UFD1: variants seen among roughly 807,000 people sequenced by gnomAD.
The protein encoded by UFD1 is ubiquitin recognition factor in ER associated degradation 1, also known as ubiquitin recognition factor in ER-associated degradation protein 1.
UFD1 carries 13 observed loss-of-function variants against 45.9 expected under a neutral mutation model. That is an observed-to-expected ratio of 0.28 (90% CI 0.18 to 0.45). The LOEUF is 0.45. Ranked by LOEUF, UFD1 falls within the 20% of genes least tolerant of loss-of-function variation. The probability of loss-of-function intolerance (pLI) is 1.00; values close to 1 mark genes in which losing one functional copy is unlikely to be tolerated. For missense variants in UFD1, 218 were observed against 389.2 expected (o/e 0.56, Z 3.70); for synonymous variants, 128 against 139.2 (o/e 0.92, Z 0.56).
At chr22:19,458,748 A>T (rs1208632661) in intron 6 of UFD1, among the ~76,000 whole-genome samples, 2 of 152,086 alleles carry the variant, frequency 1.3e-5, no homozygotes, top group South Asian at 2.1e-4. Context: ...CGGCCTTCGA[A>T]ATTTATTCTA....
intron 3 of UFD1, among the ~76,000 whole-genome samples, chr22:19,472,578 T>C (rs749156207): frequency 6.6e-6 from 1 of 152,026 alleles, no homozygotes; most frequent in African/African-American, 2.4e-5. Flanking sequence ...CACAGGCACA[T>C]AAAGGAAGGG....
chr22:19,478,998 C>T (rs2089921600), intron 1 of UFD1, 85 bp downstream of exon 1: 4 of 1,503,452 alleles, frequency 2.7e-6, no homozygotes, highest in Non-Finnish European at 3.6e-6. Flanking sequence ...CCTCCGCCGC[C>T]GTCCCGCCCC....
chr22:19,477,097 A>T (rs1163017452), intron 1 of UFD1, among the ~76,000 whole-genome samples: 1 of 152,096 alleles, frequency 6.6e-6, no homozygotes, highest in East Asian at 1.9e-4. Context: ...AATATACTGT[A>T]ATAAAAGTTA....
intron 4 of UFD1, among the ~76,000 whole-genome samples, chr22:19,470,285 T>C (rs901485115): frequency 2.6e-5 from 4 of 151,924 alleles, no homozygotes; most frequent in Admixed American, 6.6e-5. Context: ...GGAGGTGCAA[T>C]GGGAGTGCAG....
chr22:19,450,793 C>CAATA (rs779337964), intron 11 of UFD1, 49 bp from the exon 12 acceptor site: 1 of 1,613,384 alleles, frequency 6.2e-7, no homozygotes, highest in East Asian at 2.2e-5. Flanking sequence ...TGGAGGTTTA[C>CAATA]AATAAATGCC....
intron 3 of UFD1, among the ~76,000 whole-genome samples, chr22:19,473,029 G>C (rs933448744): frequency 1.3e-5 from 2 of 152,194 alleles, no homozygotes; most frequent in African/African-American, 4.8e-5. Context: ...GAGAACCTCT[G>C]AGAGTAGCAT....
chr22:19,476,078 G>GT (rs1488752622), intron 1 of UFD1, among the ~76,000 whole-genome samples: 1 of 152,130 alleles, frequency 6.6e-6, no homozygotes, highest in Non-Finnish European at 1.5e-5. Flanking sequence ...CAAAGCAAGA[G>GT]AGATATACAC....
chr22:19,454,613 G>C (rs1297889367), intron 11 of UFD1, 136 bp downstream of exon 11: 1 of 1,527,572 alleles, frequency 6.5e-7, no homozygotes, highest in Admixed American at 2.0e-5. Flanking sequence ...AAATTGCCCA[G>C]TCTCGGGTAC....
intron 1 of UFD1, among the ~76,000 whole-genome samples, chr22:19,477,304 C>G (rs1049485922): frequency 6.6e-6 from 1 of 152,156 alleles, no homozygotes; most frequent in Non-Finnish European, 1.5e-5. Flanking sequence ...TGTCCAATGA[C>G]AGATGAATGA....
chr22:19,456,483 C>G, intron 9 of UFD1, 104 bp downstream of exon 9: 2 of 1,497,764 alleles, frequency 1.3e-6, no homozygotes, highest in Non-Finnish European at 1.9e-6. Flanking sequence ...GAGGCCTAAC[C>G]CCTGCTGATG....
chr22:19,472,088 C>T (rs908111642), intron 3 of UFD1, among the ~76,000 whole-genome samples: 1 of 152,200 alleles, frequency 6.6e-6, no homozygotes, highest in Non-Finnish European at 1.5e-5. Flanking sequence ...GCCCACCATG[C>T]CCTGGACAAA....
In UFD1 at chr22:19,456,884, G is replaced by A. The variant is rs372367334; in HGVS notation, c.599C>T (p.Pro200Leu). Residue 200 changes from proline (P) to leucine (L), a missense_variant, in exon 8 of 12, where the codon CCC (proline) becomes CTC (leucine). By Grantham distance (98) the Pro-to-Leu change is moderately conservative (BLOSUM62 -3). Transcript: ENST00000263202. ...DFDAPLGYKEPERQVQHEEST... is the reference protein window; with the variant it reads ...DFDAPLGYKELERQVQHEEST... ...CTCCTCATGCTGGACTTGTCTTTCG[G>A]GTTCTTTGTAGCCCAGGGGAGCATC... is the stretch of plus-strand genomic sequence containing the variant. 3 of 1,611,188 alleles carry A rather than the reference G, an allele frequency of 1.9e-6. No individual in the cohort carries two copies. In the African/African-American group the frequency reaches 4.0e-5, roughly 22 times the overall value.
Position 19,458,128 on chromosome 22 carries a change from C to G in UFD1, c.507G>C (p.Leu169=). The G allele has an allele frequency of 1.2e-6, 2 of 1,614,076 alleles. No homozygotes were observed. Among genetic ancestry groups the G allele is most frequent in the Non-Finnish European group, 8.5e-7 (1 of 1,179,954 alleles). Residue 169 remains leucine, a synonymous_variant, in exon 7 of 12, where the codon CTG becomes CTC. Transcript: ENST00000263202. ...TGTCGGGTTTGGTCTCCATCACACG[C>G]AGTTCGTAGATCTGTGGGGCAAACA... is the stretch of plus-strand genomic sequence containing the variant. ...AINYNEKIYE[L]RVMETKPDKA... is the part of the protein sequence containing the mutation.
At chr22:19,456,472 A>G in intron 9 of UFD1, 115 bp downstream of exon 9, 1 of 1,405,030 alleles carries the variant, frequency 7.1e-7, no homozygotes, top group Non-Finnish European at 1.0e-6. Context: ...ACAGGTACCC[A>G]GAGGCCTAAC....
chr22:19,451,364 C>T (rs1569324874), intron 11 of UFD1: 1 of 985,376 alleles, frequency 1.0e-6, no homozygotes, highest in Non-Finnish European at 1.2e-6. Flanking sequence ...TGTATTTGCA[C>T]ACAACTCTGA....
chr22:19,468,601 G>A (rs2089821213), intron 4 of UFD1, among the ~76,000 whole-genome samples: 1 of 152,164 alleles, frequency 6.6e-6, no homozygotes, highest in African/African-American at 2.4e-5. Context: ...GGGTGTGCAG[G>A]GAGTCCAGAC....
At chr22:19,478,014 G>A (rs2089901365) in intron 1 of UFD1, among the ~76,000 whole-genome samples, 1 of 152,116 alleles carries the variant, frequency 6.6e-6, no homozygotes, top group African/African-American at 2.4e-5. Context: ...ACAGGGTAGG[G>A]GCTTGCTTCC....
intron 1 of UFD1, among the ~76,000 whole-genome samples, chr22:19,475,944 A>C (rs1291696007): frequency 6.6e-6 from 1 of 152,164 alleles, no homozygotes; most frequent in African/African-American, 2.4e-5. Flanking sequence ...GTTAATTGAA[A>C]CATCTCTTTA....
intron 5 of UFD1, chr22:19,466,158 A>T (rs1051922535): frequency 6.6e-6 from 1 of 152,230 alleles, no homozygotes; most frequent in Non-Finnish European, 1.5e-5. Flanking sequence ...AAAGCGCCTT[A>T]TGTGGTGGAT....
Sources: allele counts gnomAD v4.1 joint callset (sites outside exome capture counted in the v4.1 genomes callset), GRCh38; gene constraint gnomAD v4.1.1; transcripts MANE v1.5; gene names NCBI Gene and HGNC (gene_info 2026-07-23, HGNC 2026-07-21).